GPC6: variants seen among roughly 807,000 people sequenced by gnomAD.
GPC6 encodes the protein glypican 6.
In GPC6, 14 loss-of-function variants were observed where a neutral mutation model predicts 55.2. That is an observed-to-expected ratio of 0.25 (90% CI 0.17 to 0.40). The LOEUF is 0.40. GPC6 is among the 10% of genes least tolerant of loss of function. The probability of loss-of-function intolerance (pLI) is 1.00; values close to 1 mark genes in which losing one functional copy is unlikely to be tolerated. For synonymous variants in GPC6, 278 were observed against 259.6 expected, an observed-to-expected ratio of 1.07 and a Z score of -0.68; for missense variants, 641 against 708.5, an observed-to-expected ratio of 0.90 and a Z score of 1.08.
chr13:94,238,183 C>T, intron 4 of GPC6, among the ~76,000 whole-genome samples: 1 of 152,206 alleles, frequency 6.6e-6, no homozygotes, highest in African/African-American at 2.4e-5. Flanking sequence ...TTTAGATGTC[C>T]TTCTATTAAT....
rs1483226604 is a variant in GPC6 at position 94,310,240 on chromosome 13, C to G, written c.1152+4117C>G. On this transcript the variant is annotated intron_variant, in intron 6 of 8. Transcript: ENST00000377047. Reference sequence around the variant, plus strand: ...TTCATTAGAGTAAAAATGGACTGTGCATGGTGTATCTTAGAGGAATATATT... The same window carrying G: ...TTCATTAGAGTAAAAATGGACTGTGGATGGTGTATCTTAGAGGAATATATT... 2.0e-5 allele frequency among the ~76,000 whole-genome samples: 3 copies of G among 151,882 alleles called. No homozygotes were observed. In the East Asian group the frequency reaches 5.8e-4, roughly 29 times the overall value.
chr13:93,820,763 A>G (rs1887018187), intron 2 of GPC6, among the ~76,000 whole-genome samples: 1 of 151,826 alleles, frequency 6.6e-6, no homozygotes, highest in Admixed American at 6.6e-5. Flanking sequence ...GACTCATTAG[A>G]CTACAGCCTT....
At chr13:93,514,467 C>A (rs1881108222) in intron 1 of GPC6, among the ~76,000 whole-genome samples, 1 of 152,098 alleles carries the variant, frequency 6.6e-6, no homozygotes. Context: ...CTACATGGGG[C>A]CAGAAGCTCC....
chr13:93,947,816 A>C (rs996668753), intron 3 of GPC6, among the ~76,000 whole-genome samples: 2 of 152,008 alleles, frequency 1.3e-5, no homozygotes, highest in African/African-American at 4.8e-5. Context: ...AACCTTGATA[A>C]ATTCTTTTGA....
At chr13:94,259,056 C>A (rs955085389) in intron 4 of GPC6, among the ~76,000 whole-genome samples, 1 of 151,902 alleles carries the variant, frequency 6.6e-6, no homozygotes, top group Non-Finnish European at 1.5e-5. Context: ...AAGCCCCTAG[C>A]ACACTGGAAA....
chr13:93,393,127 T>TATATATATATATATATATATATAGAGAG (rs1230857277), intron 1 of GPC6, among the ~76,000 whole-genome samples: 2 of 87,610 alleles, frequency 2.3e-5, no homozygotes, highest in African/African-American at 7.9e-5. Flanking sequence ...TATATATATA[T>TATATATATATATATATATATATAGAGAG]AGAGAGAGAG....
intron 4 of GPC6, among the ~76,000 whole-genome samples, chr13:94,144,513 G>A (rs1381136255): frequency 6.8e-6 from 1 of 147,442 alleles, no homozygotes; most frequent in African/African-American, 2.5e-5. Context: ...TAGTTCCTTT[G>A]TAGGAAAAGA....
intron 2 of GPC6, among the ~76,000 whole-genome samples, chr13:93,744,377 T>A (rs1884312896): frequency 1.3e-5 from 2 of 152,078 alleles, no homozygotes; most frequent in South Asian, 4.1e-4. Context: ...CTTGAGTTTC[T>A]CCATCCCCGT....
intron 1 of GPC6, among the ~76,000 whole-genome samples, chr13:93,277,645 G>A (rs1051793700): frequency 6.6e-6 from 1 of 152,162 alleles, no homozygotes; most frequent in Admixed American, 6.5e-5. Context: ...GACAAAGACA[G>A]TGGTTAAACT....
chr13:93,332,290 T>G (rs978195165), intron 1 of GPC6, among the ~76,000 whole-genome samples: 1 of 150,264 alleles, frequency 6.7e-6, no homozygotes, highest in Admixed American at 6.6e-5. Context: ...GAAACCTCTG[T>G]AGCTGTTTTC....
chr13:93,863,854 C>G (rs1888885541), intron 3 of GPC6, among the ~76,000 whole-genome samples: 1 of 151,578 alleles, frequency 6.6e-6, no homozygotes, highest in Non-Finnish European at 1.5e-5. Context: ...ATTTGTGTTG[C>G]AAAAAGATAC....
At chr13:94,051,166 G>GAA (rs1883936053) in intron 4 of GPC6, among the ~76,000 whole-genome samples, 1 of 152,086 alleles carries the variant, frequency 6.6e-6, no homozygotes, top group African/African-American at 2.4e-5. Context: ...TTAATAATTA[G>GAA]AAAGTCTTCA....
At chr13:93,302,537 A>G (rs1310896356) in intron 1 of GPC6, among the ~76,000 whole-genome samples, 1 of 152,190 alleles carries the variant, frequency 6.6e-6, no homozygotes, top group Non-Finnish European at 1.5e-5. Context: ...TAAAATAACA[A>G]TTTGATATTT....
intron 2 of GPC6, among the ~76,000 whole-genome samples, chr13:93,773,576 A>G (rs572893456): frequency 1.3e-5 from 2 of 152,062 alleles, no homozygotes; most frequent in Non-Finnish European, 2.9e-5. Flanking sequence ...GTTCCTGTGT[A>G]GTTTTAAGTT....
chr13:93,421,602 C>T (rs917179381), intron 1 of GPC6, among the ~76,000 whole-genome samples: 10 of 151,984 alleles, frequency 6.6e-5, no homozygotes, highest in Non-Finnish European at 1.0e-4. Flanking sequence ...GTGTATAATG[C>T]AACATTTATT....
intron 1 of GPC6, among the ~76,000 whole-genome samples, chr13:93,432,485 T>A (rs1312924116): frequency 6.6e-6 from 1 of 151,856 alleles, no homozygotes; most frequent in Non-Finnish European, 1.5e-5. Flanking sequence ...TGAAGTGGAG[T>A]CTGGTGGTTT....
chr13:94,063,089 G>A (rs975717718), intron 4 of GPC6, among the ~76,000 whole-genome samples: 3 of 152,132 alleles, frequency 2.0e-5, no homozygotes, highest in Non-Finnish European at 4.4e-5. Flanking sequence ...TGGTGTAATT[G>A]GTCACTCCAG....
intron 3 of GPC6, among the ~76,000 whole-genome samples, chr13:93,887,267 A>G (rs1875396605): frequency 6.6e-6 from 1 of 152,148 alleles, no homozygotes; most frequent in Non-Finnish European, 1.5e-5. Flanking sequence ...AAAGGGAACA[A>G]TAATGACTGA....
chr13:93,337,776 G>T (rs1880100249), intron 1 of GPC6, among the ~76,000 whole-genome samples: 1 of 152,194 alleles, frequency 6.6e-6, no homozygotes, highest in Non-Finnish European at 1.5e-5. Flanking sequence ...ATGAAGTTTA[G>T]GATCACAGGG....
Sources: allele counts gnomAD v4.1 joint callset (sites outside exome capture counted in the v4.1 genomes callset), GRCh38; gene constraint gnomAD v4.1.1; transcripts MANE v1.5; gene names NCBI Gene and HGNC (gene_info 2026-07-23, HGNC 2026-07-21).